The following TMEM233 variants were observed in gnomAD, a reference collection of about 807,000 sequenced individuals.
TMEM233 encodes the protein transmembrane protein 233, also known as dispanin subfamily B member 2.
A neutral mutation model predicts 11.2 loss-of-function variants in TMEM233; 6 were observed. The observed-to-expected ratio is 0.54, with a 90% CI of 0.29 to 1.06. The LOEUF is 1.06. Among genes scored for constraint, TMEM233 ranks in the 50% least tolerant of loss-of-function variants. TMEM233 has a pLI of 0.08. For synonymous variants in TMEM233, 59 were observed against 55.8 expected, an observed-to-expected ratio of 1.06 and a Z score of -0.26; for missense variants, 127 against 144.7, an observed-to-expected ratio of 0.88 and a Z score of 0.63.
At chr12:119,625,853 C>G (rs570791015) in intron 1 of TMEM233, among the ~76,000 whole-genome samples, 1 of 152,244 alleles carries the variant, frequency 6.6e-6, no homozygotes, top group African/African-American at 2.4e-5. Context: ...ATACAAATAT[C>G]ACACTCAAGA....
At chr12:119,634,595 AGAGT>A (rs1259449404) in intron 2 of TMEM233, among the ~76,000 whole-genome samples, 1 of 152,208 alleles carries the variant, frequency 6.6e-6, no homozygotes, top group Non-Finnish European at 1.5e-5. Context: ...CCTAAGCAAC[AGAGT>A]GAGACCCTGT....
rs1022663497 is a variant in TMEM233, at chr12:119,595,199, C to T, written c.186+1165C>T. On this transcript the variant is annotated intron_variant, in intron 1 of 2. Coordinates refer to ENST00000426426, the MANE Select transcript of TMEM233 (RefSeq NM_001136534.3). The surrounding 1 kb of genome is among the most constrained non-coding windows in gnomAD (Gnocchi z 4.3). ...GCAGCAGCTGGCCCGGGGGTGGCGG[C>T]GGGGTGAGGTTCGTACCGGCACTGT... Among the ~76,000 whole-genome samples, 1 of 152,216 alleles carries T rather than the reference C, an allele frequency of 6.6e-6. No homozygotes were observed. Among genetic ancestry groups the T allele is most frequent in the Non-Finnish European group, 1.5e-5 (1 of 68,038 alleles).
chr12:119,605,341 C>T (rs771415550), intron 1 of TMEM233, among the ~76,000 whole-genome samples: 4 of 150,608 alleles, frequency 2.7e-5, no homozygotes, highest in Non-Finnish European at 5.9e-5. Flanking sequence ...TGGTAAGCCT[C>T]TCCAACAAAA....
intron 1 of TMEM233, among the ~76,000 whole-genome samples, chr12:119,626,449 A>T: frequency 6.7e-6 from 1 of 150,344 alleles, no homozygotes; most frequent in Non-Finnish European, 1.5e-5. Context: ...CAGCCTGGGA[A>T]ACAAAGCAAG....
At chr12:119,631,840 G>A (rs1268957618) in intron 2 of TMEM233, 2 of 191,688 alleles carry the variant, frequency 1.0e-5, no homozygotes, top group Non-Finnish European at 1.9e-5. Flanking sequence ...TATTGTAAAG[G>A]TTAACTGGAT....
Position 119,629,842 on chromosome 12 carries a change from G to A in TMEM233, c.293G>A (p.Gly98Asp). The A allele has an allele frequency of 6.4e-7, 1 of 1,551,536 alleles. No homozygotes were observed. Reference protein sequence around the residue: ...ASIIIGLLIIGISCAVHFTRN... With the variant: ...ASIIIGLLIIDISCAVHFTRN... ...ATCATCATTGGCCTTCTCATCATCGGCATTTCTTGTGCAGTTCACTTCACA... is the reference window on the plus strand; with the variant it reads ...ATCATCATTGGCCTTCTCATCATCGACATTTCTTGTGCAGTTCACTTCACA... The change falls in exon 2 of 3, where the codon GGC becomes GAC. Residue 98 changes from glycine (G) to aspartate (D), a missense_variant. Transcript: ENST00000426426.
chr12:119,616,558 C>T (rs530457929), intron 1 of TMEM233, among the ~76,000 whole-genome samples: 6 of 152,116 alleles, frequency 3.9e-5, no homozygotes, highest in African/African-American at 1.2e-4. Context: ...AGACAATGGA[C>T]GTGGAGGAAA....
intron 1 of TMEM233, among the ~76,000 whole-genome samples, chr12:119,597,977 G>A (rs1954082394): frequency 6.6e-6 from 1 of 152,176 alleles, no homozygotes; most frequent in African/African-American, 2.4e-5. Context: ...TTGGTGAGGA[G>A]CACAAGCTGG....
At chr12:119,646,665 C>A (rs968427822), downstream of TMEM233, among the ~76,000 whole-genome samples, 3 of 152,210 alleles carry the variant, frequency 2.0e-5, no homozygotes, top group Non-Finnish European at 4.4e-5. Context: ...CTACCTCCTC[C>A]CCTTAAGATG....
intron 1 of TMEM233, among the ~76,000 whole-genome samples, chr12:119,616,617 G>A (rs1954540764): frequency 6.6e-6 from 1 of 152,166 alleles, no homozygotes; most frequent in African/African-American, 2.4e-5. Context: ...TGGTGATGGA[G>A]CATTTCTGTT....
intron 1 of TMEM233, among the ~76,000 whole-genome samples, chr12:119,614,202 G>T (rs1454993410): frequency 6.6e-6 from 1 of 152,130 alleles, no homozygotes; most frequent in Admixed American, 6.5e-5. Flanking sequence ...GAGGTCAGGA[G>T]TTCAAGACCA....
intron 1 of TMEM233, among the ~76,000 whole-genome samples, chr12:119,602,623 A>G (rs1954190715): frequency 6.6e-6 from 1 of 152,196 alleles, no homozygotes. Context: ...TTACTTGCAT[A>G]AGTTTTGCCA....
intron 1 of TMEM233, among the ~76,000 whole-genome samples, chr12:119,621,409 C>G (rs536041902): frequency 6.6e-6 from 1 of 152,218 alleles, no homozygotes; most frequent in East Asian, 1.9e-4. Context: ...TCTTGAACTC[C>G]TGGACTCAAG....
chr12:119,624,159 G>C (rs1593299063), intron 1 of TMEM233, among the ~76,000 whole-genome samples: 2 of 151,682 alleles, frequency 1.3e-5, no homozygotes. Flanking sequence ...AAACCAGCCT[G>C]GGCAACATGG....
At chr12:119,613,643 G>A (rs1954458745) in intron 1 of TMEM233, among the ~76,000 whole-genome samples, 1 of 151,832 alleles carries the variant, frequency 6.6e-6, no homozygotes, top group Non-Finnish European at 1.5e-5. Context: ...GCAAGACCCT[G>A]TCTCTACCAG....
chr12:119,629,798 G>C lies in TMEM233; in HGVS notation c.249G>C (p.Lys83Asn). ...CCAGGCGGCTTGGGCGGAATGCTAA[G>C]TGGGTAGCCATCGCCTCCATCATCA... ...EGARRLGRNA[K>N]WVAIASIIIG... Residue 83 changes from lysine to asparagine, a missense_variant, in exon 2 of 3, where the codon AAG becomes AAC. Physicochemically the swap from Lys to Asn is moderately conservative, Grantham distance 94 (BLOSUM62 0). Coordinates refer to ENST00000426426, the MANE Select transcript of TMEM233 (RefSeq NM_001136534.3). The C allele has an allele frequency of 6.4e-7, 1 of 1,551,740 alleles. No homozygotes were observed. Among genetic ancestry groups the C allele is most frequent in the Non-Finnish European group, 8.7e-7 (1 of 1,147,000 alleles).
In TMEM233 at chr12:119,595,573, C is replaced by G. The variant is rs1954027487; in HGVS notation, c.186+1539C>G. Among the ~76,000 whole-genome samples the G allele has an allele frequency of 6.6e-6, 1 of 152,226 alleles. No individual in the cohort carries two copies. Among genetic ancestry groups the G allele is most frequent in the African/African-American group, 2.4e-5 (1 of 41,450 alleles). On this transcript the variant is annotated intron_variant, in intron 1 of 2. Transcript: ENST00000426426. The surrounding 1 kb of genome is among the most constrained non-coding windows in gnomAD (Gnocchi z 4.3). ...TCTAGCTGTGTGATCTCTGAAGTCACTGCATCTCTGAACCTCAGTCTCTTT... is the reference window on the plus strand; with the variant it reads ...TCTAGCTGTGTGATCTCTGAAGTCAGTGCATCTCTGAACCTCAGTCTCTTT...
chr12:119,632,881 G>A (rs1260817128), intron 2 of TMEM233, among the ~76,000 whole-genome samples: 3 of 152,184 alleles, frequency 2.0e-5, no homozygotes. Context: ...CTAGTGGACA[G>A]TTTGCTTTCA....
At chr12:119,603,747 C>G (rs549783481) in intron 1 of TMEM233, among the ~76,000 whole-genome samples, 34 of 152,256 alleles carry the variant, frequency 2.2e-4, no homozygotes, top group Middle Eastern at 3.4e-3. Flanking sequence ...CACTGTTAGC[C>G]CCAGCACCTA....
Sources: gnomAD v4.1 joint callset for allele counts (sites outside exome capture counted in the v4.1 genomes callset) on GRCh38, gnomAD v4.1.1 for gene constraint, Gnocchi (gnomAD v3.1) non-coding constraint, MANE v1.5 for transcripts, NCBI Gene and HGNC (gene_info 2026-07-23, HGNC 2026-07-21) for gene names.